CBFA2T3: variants seen among roughly 807,000 people sequenced by gnomAD.
CBFA2T3 encodes the protein transcriptional corepressor CBFA2T3.
A neutral mutation model predicts 58.6 loss-of-function variants in CBFA2T3; 31 were observed. The ratio of observed to expected loss-of-function variants is 0.53; its 90% CI spans 0.40 to 0.71. The LOEUF is 0.71. Ranked by LOEUF, CBFA2T3 falls within the 30% of genes least tolerant of loss-of-function variation. The pLI is 0.00. For synonymous variants in CBFA2T3, 531 were observed against 421.9 expected, an observed-to-expected ratio of 1.26 and a Z score of -3.17; for missense variants, 1,076 against 963.1, an observed-to-expected ratio of 1.12 and a Z score of -1.55.
intron 3 of CBFA2T3, among the ~76,000 whole-genome samples, chr16:88,896,111 A>T (rs1398527553): frequency 1.3e-5 from 2 of 152,130 alleles, no homozygotes; most frequent in East Asian, 1.9e-4. Flanking sequence ...GTGTTGTGTG[A>T]GGCTGTTGGC....
At chr16:88,940,767 G>A (rs899302305) in intron 1 of CBFA2T3, among the ~76,000 whole-genome samples, 1 of 152,192 alleles carries the variant, frequency 6.6e-6, no homozygotes, top group Non-Finnish European at 1.5e-5. Flanking sequence ...GAGCCCGCGA[G>A]ACTCCCAGCG....
At chr16:88,912,304 G>A (rs1970556377) in intron 1 of CBFA2T3, among the ~76,000 whole-genome samples, 2 of 152,260 alleles carry the variant, frequency 1.3e-5, no homozygotes. Flanking sequence ...CCAAAGAAAT[G>A]CGGAAGATGG....
At chr16:88,910,182 C>G (rs1395385204) in intron 1 of CBFA2T3, among the ~76,000 whole-genome samples, 2 of 152,238 alleles carry the variant, frequency 1.3e-5, no homozygotes, top group African/African-American at 4.8e-5. Flanking sequence ...GGCGGTGTTT[C>G]TGCAGGGAAT....
At chr16:88,906,194 G>A (rs750299023) in intron 1 of CBFA2T3, among the ~76,000 whole-genome samples, 6 of 152,132 alleles carry the variant, frequency 3.9e-5, no homozygotes, top group Non-Finnish European at 7.4e-5. Flanking sequence ...AAGGCCAACT[G>A]CAGGCTCCTC....
intron 1 of CBFA2T3, among the ~76,000 whole-genome samples, chr16:88,926,896 C>T (rs555290375): frequency 2.0e-5 from 3 of 152,318 alleles, no homozygotes; most frequent in East Asian, 1.9e-4. Context: ...AGGGCAGCCC[C>T]GTCCGGCCCC....
chr16:88,973,887 C>T (rs958684370), intron 1 of CBFA2T3, among the ~76,000 whole-genome samples: 2 of 146,232 alleles, frequency 1.4e-5, no homozygotes, highest in African/African-American at 5.2e-5. Flanking sequence ...ATCTGCCCGC[C>T]TTGCCCGGTC....
rs1049534603 is a variant in CBFA2T3, at chr16:88,876,873, G to A, written c.*103C>T. ...TCCCCCAGGTCAGGCGGGGCGCAGT[G>A]TCTGGCAGGCCAGGCATCGGAGGCC... is the stretch of plus-strand genomic sequence containing the variant. On this transcript the variant is annotated 3_prime_UTR_variant, in exon 12 of 12. Coordinates refer to ENST00000268679, the MANE Select transcript of CBFA2T3 (RefSeq NM_005187.6). The A allele has an allele frequency of 1.5e-4, 143 of 948,078 alleles. No homozygotes were observed. The highest frequency in any genetic ancestry group is 2.0e-4 in the Non-Finnish European group (139 of 681,040). 58.7% of individuals were successfully genotyped at this position (948,078 alleles called of 1,614,324 possible).
At chr16:88,905,182 T>G (rs1597704409) in intron 1 of CBFA2T3, among the ~76,000 whole-genome samples, 1 of 152,136 alleles carries the variant, frequency 6.6e-6, no homozygotes. Flanking sequence ...CAGCAGCAGC[T>G]GGCGCCGTCT....
chr16:88,897,660 C>T lies in CBFA2T3; in HGVS notation c.379+418G>A, dbSNP rs1174719835. On this transcript the variant is annotated intron_variant, in intron 3 of 11. Transcript: ENST00000268679. ...CTGAGGCACGGGGGGTGGTACCTGGCCAAGGTCACCCTGGCAGGAACAGTT... is the reference window on the plus strand; with the variant it reads ...CTGAGGCACGGGGGGTGGTACCTGGTCAAGGTCACCCTGGCAGGAACAGTT... 3.9e-5 allele frequency among the ~76,000 whole-genome samples: 6 copies of T among 152,292 alleles called. No homozygotes were observed. The South Asian group carries it at 1.0e-3, about 26-fold the overall frequency.
At chr16:88,906,436 G>A (rs908766037) in intron 1 of CBFA2T3, among the ~76,000 whole-genome samples, 1 of 152,182 alleles carries the variant, frequency 6.6e-6, no homozygotes, top group African/African-American at 2.4e-5. Flanking sequence ...CCTGCTCCCC[G>A]CTCCAGCCGC....
chr16:88,972,089 C>G (rs1472475909), intron 1 of CBFA2T3, among the ~76,000 whole-genome samples: 1 of 152,188 alleles, frequency 6.6e-6, no homozygotes, highest in Admixed American at 6.5e-5. Flanking sequence ...GATTCAAGGT[C>G]TTTCTGCTGG....
chr16:88,933,255 C>A (rs541568297), intron 1 of CBFA2T3, among the ~76,000 whole-genome samples: 2 of 152,292 alleles, frequency 1.3e-5, no homozygotes, highest in Non-Finnish European at 2.9e-5. Context: ...CCAGACTGCA[C>A]GCCTCACAGT....
At chr16:88,931,735 C>G (rs142337378) in intron 1 of CBFA2T3, among the ~76,000 whole-genome samples, 125 of 152,232 alleles carry the variant, frequency 8.2e-4, no homozygotes, top group African/African-American at 2.8e-3. Flanking sequence ...CTGGTCACCC[C>G]AGTCCTGGGG....
intron 5 of CBFA2T3, among the ~76,000 whole-genome samples, chr16:88,891,052 GC>G (rs1969610189): frequency 6.6e-6 from 1 of 152,076 alleles, no homozygotes; most frequent in African/African-American, 2.4e-5. Flanking sequence ...CCCGCGTGCT[GC>G]CACCCTGGTC....
chr16:88,968,341 C>T (rs768086693), intron 1 of CBFA2T3, among the ~76,000 whole-genome samples: 7 of 152,216 alleles, frequency 4.6e-5, no homozygotes, highest in African/African-American at 1.2e-4. Flanking sequence ...CCTTCCCACC[C>T]GCCGCCCGGA....
In CBFA2T3 at chr16:88,877,086, C is replaced by G. The variant is rs1384679787; in HGVS notation, c.1852G>C (p.Gly618Arg). 1 of 1,540,102 alleles carries G rather than the reference C, an allele frequency of 6.5e-7. No individual in the cohort carries two copies. Residue 618 changes from glycine to arginine, a missense_variant, in exon 12 of 12, where the codon GGC becomes CGC. Gly to Arg is a moderately radical substitution (Grantham distance 125). Coordinates refer to ENST00000268679, the MANE Select transcript of CBFA2T3 (RefSeq NM_005187.6). ...PGPPEAAHSL[G>R]PSLPVGAASP... ...GCAGCACCCACAGGCAGGGAGGGGCCCAGGCTGTGGGCGGCTTCGGGCGGT... is the reference window on the plus strand; with the variant it reads ...GCAGCACCCACAGGCAGGGAGGGGCGCAGGCTGTGGGCGGCTTCGGGCGGT...
chr16:88,950,090 G>GC (rs1009529514), intron 1 of CBFA2T3, among the ~76,000 whole-genome samples: 5 of 151,912 alleles, frequency 3.3e-5, no homozygotes, highest in African/African-American at 1.2e-4. Context: ...CTCATGACTG[G>GC]CCCCCTCTCC....
chr16:88,976,574 C>G (rs193057179), intron 1 of CBFA2T3, 83 bp downstream of exon 1: 1 of 1,079,682 alleles, frequency 9.3e-7, no homozygotes, highest in Non-Finnish European at 1.3e-6. Context: ...GGGCAGGCCC[C>G]GCGAAGCTCT....
At chr16:88,951,185 C>T (rs1972061168) in intron 1 of CBFA2T3, 1 of 383,926 alleles carries the variant, frequency 2.6e-6, no homozygotes, top group Non-Finnish European at 5.2e-6. Context: ...AGTGTTGGCA[C>T]CTGTCTTCCG....
Sources: gnomAD v4.1 joint callset for allele counts (sites outside exome capture counted in the v4.1 genomes callset) on GRCh38, gnomAD v4.1.1 for gene constraint, MANE v1.5 for transcripts, NCBI Gene and HGNC (gene_info 2026-07-23, HGNC 2026-07-21) for gene names.